The following BCO1 variants were observed in gnomAD, a reference collection of about 807,000 sequenced individuals.
BCO1 encodes the protein beta,beta-carotene 15,15'-dioxygenase.
A neutral mutation model predicts 56.3 loss-of-function variants in BCO1; 54 were observed. The observed-to-expected ratio is 0.96, with a 90% CI of 0.77 to 1.20. The LOEUF (loss-of-function observed/expected upper bound fraction) is 1.20, where lower values mean the gene tolerates loss of function less well. Among genes scored for constraint, BCO1 ranks in the 50% most tolerant of loss-of-function variants. The pLI, the probability that BCO1 is intolerant of heterozygous loss-of-function variation, is 0.00. For missense variants in BCO1, 801 were observed against 690.9 expected (o/e 1.16, Z -1.79); for synonymous variants, 318 against 266.1 (o/e 1.20, Z -1.90).
chr16:81,260,639 G>T (rs1378298569), intron 3 of BCO1, among the ~76,000 whole-genome samples: 1 of 152,110 alleles, frequency 6.6e-6, no homozygotes, highest in Non-Finnish European at 1.5e-5. Flanking sequence ...CTCCCAAGTA[G>T]CTGGGATTAC....
At chr16:81,240,171 T>C (rs1286927592) in intron 1 of BCO1, among the ~76,000 whole-genome samples, 8 of 152,052 alleles carry the variant, frequency 5.3e-5, no homozygotes, top group African/African-American at 1.7e-4. Context: ...TATTAAATTA[T>C]ATATAAATTA....
At chr16:81,265,923 C>A (rs528036293) in intron 5 of BCO1, among the ~76,000 whole-genome samples, 1 of 151,698 alleles carries the variant, frequency 6.6e-6, no homozygotes, top group African/African-American at 2.4e-5. Context: ...CTACCATGTG[C>A]ATCTACCACC....
chr16:81,283,139 C>T (rs868648946), intron 8 of BCO1, among the ~76,000 whole-genome samples: 2 of 152,066 alleles, frequency 1.3e-5, no homozygotes, highest in Non-Finnish European at 1.5e-5. Context: ...TAGAATGTTC[C>T]GAAGCTGCCT....
chr16:81,247,885 T>C (rs1905519503), intron 2 of BCO1, among the ~76,000 whole-genome samples: 1 of 149,560 alleles, frequency 6.7e-6, no homozygotes, highest in Non-Finnish European at 1.5e-5. Flanking sequence ...ATAAAACCAC[T>C]ATCTGTGGCT....
At position 81,285,424 on chromosome 16, in the gene BCO1, C is replaced by G. The variant is rs984977912; in HGVS notation, c.1208-116C>G. 2.4e-5 allele frequency: 19 copies of G among 797,564 alleles called. No individual in the cohort carries two copies. The African/African-American group carries it at 3.0e-4, about 13-fold the overall frequency. The allele number at this position is 797,564 out of a possible 1,614,324, so 49.4% of individuals were successfully genotyped here. The stretch of plus-strand genomic sequence containing the variant: ...TCCAATGCAGGCTCTAAATCAAGCT[C>G]AAGGATCTTGGTGTGGAAACGGATT... On this transcript the variant is annotated intron_variant, in intron 8 of 10. Transcript: ENST00000258168.
rs1274132800 is a variant in BCO1, at chr16:81,238,977, G to A, written c.64+5G>A. On this transcript the variant is annotated splice_donor_5th_base_variant and intron_variant, in intron 1 of 10. Coordinates refer to ENST00000258168, the MANE Select transcript of BCO1 (RefSeq NM_017429.3). The stretch of plus-strand genomic sequence containing the variant: ...CTGTGAGGGCCAAAGTGACAGGTGA[G>A]CATTCTGATAAACACTGGGCTCTTT... 5 of 1,612,906 alleles carry A rather than the reference G, an allele frequency of 3.1e-6. No individual in the cohort carries two copies. The South Asian group carries it at 4.4e-5, about 14-fold the overall frequency.
At chr16:81,262,079 A>T (rs747993367) in intron 3 of BCO1, 57 bp from the exon 4 acceptor site, 76 of 1,591,332 alleles carry the variant, frequency 4.8e-5, no homozygotes, top group Non-Finnish European at 6.9e-6. Flanking sequence ...TCAAGGATAG[A>T]CTTCTCTGGC....
At chr16:81,289,572 T>G (rs1908353339) in intron 10 of BCO1, among the ~76,000 whole-genome samples, 1 of 152,108 alleles carries the variant, frequency 6.6e-6, no homozygotes, top group African/African-American at 2.4e-5. Flanking sequence ...GCCCAAGAGA[T>G]CGAGATTGCA....
intron 8 of BCO1, among the ~76,000 whole-genome samples, chr16:81,281,848 C>T (rs753593630): frequency 6.6e-6 from 1 of 152,198 alleles, no homozygotes. Context: ...ATTGGAGCAG[C>T]CAAATATGTC....
chr16:81,287,303 A>G lies in BCO1; in HGVS notation c.1311A>G (p.Lys437=). Residue 437 remains lysine (K), a synonymous_variant, in exon 10 of 11, where the codon AAA becomes AAG. Transcript: ENST00000258168. ...CCTCGTTGGATGTACAGATAATAAA[A>G]TATGACATTCTCACAAAGTCATCCT... is the stretch of plus-strand genomic sequence containing the variant. ...QWSPIPTKII[K]YDILTKSSLK... The G allele has an allele frequency of 6.2e-7, 1 of 1,611,774 alleles. No homozygotes were observed. Among genetic ancestry groups the G allele is most frequent in the Non-Finnish European group, 8.5e-7 (1 of 1,177,858 alleles).
chr16:81,270,690 G>GTC lies in BCO1; in HGVS notation c.1101+276_1101+277dup, dbSNP rs1271689851. Among the ~76,000 whole-genome samples the GTC allele has an allele frequency of 9.7e-5, 9 of 92,888 alleles. No individual in the cohort carries two copies. In the East Asian group the frequency reaches 1.1e-3, roughly 11 times the overall value. 60.9% of individuals were successfully genotyped at this position (92,888 alleles called of 152,430 possible). A position where few individuals can be genotyped will look rare whatever the true frequency, so the allele number is the denominator to read the frequency against. On this transcript the variant is annotated intron_variant, in intron 7 of 10. Transcript: ENST00000258168. ...TTTGTCTCCCAGTCTCTCTCTCTGTGTCTGTGTGTGTGTGTGTGTGTGTGT... is the reference window on the plus strand; with the variant it reads ...TTTGTCTCCCAGTCTCTCTCTCTGTGTCTCTGTGTGTGTGTGTGTGTGTGTGT...
At position 81,287,243 on chromosome 16, in the gene BCO1, T is replaced by C. The variant is rs1908234931; in HGVS notation, c.1303-52T>C. 6 of 1,325,896 alleles carry C rather than the reference T, an allele frequency of 4.5e-6. No individual in the cohort carries two copies. In the East Asian group the frequency reaches 9.2e-5, roughly 20 times the overall value. The allele number at this position is 1,325,896 out of a possible 1,614,324, so 82.1% of individuals were successfully genotyped here. On this transcript the variant is annotated intron_variant, in intron 9 of 10. Transcript: ENST00000258168. The stretch of plus-strand genomic sequence containing the variant: ...TTCATGCACTCCTATTTGCAGAGAA[T>C]AGTATTCTCTCAAACAAGTCATTTA...
At chr16:81,253,986 G>A (rs1217346211) in intron 2 of BCO1, among the ~76,000 whole-genome samples, 1 of 152,086 alleles carries the variant, frequency 6.6e-6, no homozygotes, top group African/African-American at 2.4e-5. Flanking sequence ...AAATATCTCA[G>A]TGACACTTAT....
intron 2 of BCO1, among the ~76,000 whole-genome samples, chr16:81,252,314 C>T (rs939349645): frequency 1.3e-5 from 2 of 151,746 alleles, no homozygotes; most frequent in East Asian, 3.9e-4. Context: ...GGCTGGATTG[C>T]GGTGGCATGA....
chr16:81,271,078 T>C (rs1218332592), intron 7 of BCO1, among the ~76,000 whole-genome samples: 1 of 151,512 alleles, frequency 6.6e-6, no homozygotes, highest in Non-Finnish European at 1.5e-5. Flanking sequence ...TATTGAGATG[T>C]AATTGACACA....
At chr16:81,249,310 G>A (rs1323097680) in intron 2 of BCO1, among the ~76,000 whole-genome samples, 1 of 151,934 alleles carries the variant, frequency 6.6e-6, no homozygotes, top group Non-Finnish European at 1.5e-5. Flanking sequence ...AGGCTGGAGT[G>A]CAGTGGCACG....
intron 2 of BCO1, among the ~76,000 whole-genome samples, chr16:81,256,245 G>A (rs181471613): frequency 9.9e-5 from 15 of 151,958 alleles, no homozygotes; most frequent in East Asian, 1.9e-4. Context: ...GTGCTCAATC[G>A]ATGCTGGCTG....
intron 5 of BCO1, among the ~76,000 whole-genome samples, chr16:81,265,427 A>G (rs563949020): frequency 1.4e-5 from 2 of 145,902 alleles, no homozygotes; most frequent in Admixed American, 1.4e-4. Context: ...CCCATCCACC[A>G]TCCATCCATT....
chr16:81,262,638 G>A (rs969552728), intron 4 of BCO1: 7 of 340,236 alleles, frequency 2.1e-5, no homozygotes, highest in Non-Finnish European at 3.5e-5. Context: ...GACCAGCCTG[G>A]CCAACATGGT....
Sources: gnomAD v4.1 joint callset for allele counts (sites outside exome capture counted in the v4.1 genomes callset) on GRCh38, gnomAD v4.1.1 for gene constraint, MANE v1.5 for transcripts, NCBI Gene and HGNC (gene_info 2026-07-23, HGNC 2026-07-21) for gene names.